The following MBP variants were observed in gnomAD, a reference collection of about 807,000 sequenced individuals.
MBP encodes Golli-MBP.
In MBP, 16 loss-of-function variants were observed where a neutral mutation model predicts 35.8. The observed-to-expected ratio is 0.45, with a 90% CI of 0.30 to 0.68. The LOEUF is 0.68. MBP is among the 30% of genes least tolerant of loss of function. The pLI, the probability that MBP is intolerant of heterozygous loss-of-function variation, is 0.08. For missense variants in MBP, 380 were observed against 404.7 expected (o/e 0.94, Z 0.52); for synonymous variants, 143 against 159.6 (o/e 0.90, Z 0.78).
rs1314493363 is a variant in MBP at position 77,061,643 on chromosome 18, TC to T, written c.139+4654del. Among the ~76,000 whole-genome samples the T allele has an allele frequency of 2.0e-5, 3 of 152,308 alleles. No individual in the cohort carries two copies. The East Asian group carries it at 5.8e-4, about 29-fold the overall frequency. On this transcript the variant is annotated intron_variant, in intron 3 of 8. Coordinates refer to ENST00000355994, the MANE Select transcript of MBP (RefSeq NM_001025101.2). The stretch of plus-strand genomic sequence containing the variant: ...GGCAGCTCAGAGTGAAACGGGCGGC[TC>T]CCTGCAGCCATTGTCACATGGTTGA...
chr18:77,025,996 G>A (rs1972206920), intron 3 of MBP, among the ~76,000 whole-genome samples: 1 of 152,158 alleles, frequency 6.6e-6, no homozygotes, highest in South Asian at 2.1e-4. Flanking sequence ...CGCTCATCCC[G>A]CTCGCTGTGC....
chr18:76,984,910 A>G lies in MBP; in HGVS notation c.751-16T>C, dbSNP rs1969449840. On this transcript the variant is annotated splice_polypyrimidine_tract_variant and intron_variant, in intron 7 of 8. Coordinates refer to ENST00000355994, the MANE Select transcript of MBP (RefSeq NM_001025101.2). ...CTTCGGCCCCCTGCAAGAGAAGACC[A>G]CGGAGCTCAACCTCCACCCGCGGTG... is the stretch of plus-strand genomic sequence containing the variant. 2 of 1,611,956 alleles carry G rather than the reference A, an allele frequency of 1.2e-6. No homozygotes were observed. The highest frequency in any genetic ancestry group is 1.3e-5 in the African/African-American group (1 of 74,898).
At chr18:77,056,764 T>C (rs1599154694) in intron 3 of MBP, among the ~76,000 whole-genome samples, 2 of 152,212 alleles carry the variant, frequency 1.3e-5, no homozygotes, top group Admixed American at 6.5e-5. Flanking sequence ...TTGACACCAC[T>C]GAGTCCTCCC....
At chr18:77,067,296 A>T (rs1161012307) in intron 2 of MBP, among the ~76,000 whole-genome samples, 1 of 152,112 alleles carries the variant, frequency 6.6e-6, no homozygotes, top group East Asian at 1.9e-4. Flanking sequence ...ACAATGACAC[A>T]TGGGTATTCT....
intron 2 of MBP, among the ~76,000 whole-genome samples, chr18:77,104,614 A>G (rs1976185225): frequency 6.6e-6 from 1 of 152,238 alleles, no homozygotes; most frequent in Admixed American, 6.5e-5. Context: ...TTTTTGAGCT[A>G]AAAGAAAGTC....
At chr18:77,052,371 A>T (rs1272809059) in intron 3 of MBP, among the ~76,000 whole-genome samples, 1 of 152,182 alleles carries the variant, frequency 6.6e-6, no homozygotes, top group Non-Finnish European at 1.5e-5. Context: ...GGCACCTGTG[A>T]GCAGGGACCC....
At chr18:77,000,632 G>A (rs577312302) in intron 4 of MBP, among the ~76,000 whole-genome samples, 5 of 152,344 alleles carry the variant, frequency 3.3e-5, no homozygotes, top group African/African-American at 9.6e-5. Context: ...ACCAGCAGGC[G>A]GAGCTCCTGC....
chr18:76,990,923 G>A (rs1441729300), intron 4 of MBP: 1 of 297,114 alleles, frequency 3.4e-6, no homozygotes, highest in Non-Finnish European at 6.9e-6. Flanking sequence ...TCCTGAAGGT[G>A]AACAAGCAAA....
chr18:77,013,766 G>T (rs549825712), intron 4 of MBP: 31 of 985,346 alleles, frequency 3.1e-5, no homozygotes, highest in Non-Finnish European at 3.7e-5. Flanking sequence ...GGGGTACTGG[G>T]ATGTCCTGGC....
intron 2 of MBP, chr18:77,068,963 A>C (rs1203361170): frequency 1.9e-5 from 9 of 467,894 alleles, no homozygotes; most frequent in Admixed American, 4.5e-5. Context: ...CACCTCGGGG[A>C]CTCTGACCTC....
chr18:77,016,678 A>G (rs748451805), intron 4 of MBP, 154 bp downstream of exon 4: 1 of 1,435,602 alleles, frequency 7.0e-7, no homozygotes, highest in East Asian at 2.5e-5. Context: ...TCAGGCCCAC[A>G]CTCTTGGGCT....
chr18:77,133,282 G>C (rs999480742), upstream of MBP, among the ~76,000 whole-genome samples: 1 of 152,240 alleles, frequency 6.6e-6, no homozygotes, highest in Non-Finnish European at 1.5e-5. Flanking sequence ...CTCCCCTGGA[G>C]CCCAGGCCAG....
chr18:77,093,092 C>G (rs1209618966), intron 2 of MBP: 1 of 66,268 alleles, frequency 1.5e-5, no homozygotes, highest in African/African-American at 3.6e-5. Flanking sequence ...AATGCCCATG[C>G]TGTGGGCAAA....
intron 3 of MBP, among the ~76,000 whole-genome samples, chr18:77,046,472 G>C (rs1275349172): frequency 6.6e-6 from 1 of 152,254 alleles, no homozygotes; most frequent in African/African-American, 2.4e-5. Flanking sequence ...GGGAGGGTGT[G>C]TTGGGCCTGG....
chr18:77,046,043 A>G (rs748676990), intron 3 of MBP, among the ~76,000 whole-genome samples: 1 of 152,242 alleles, frequency 6.6e-6, no homozygotes, highest in Non-Finnish European at 1.5e-5. Flanking sequence ...GTAATATTAT[A>G]TGAACTAGAA....
intron 4 of MBP, among the ~76,000 whole-genome samples, chr18:76,992,720 C>T (rs1247625000): frequency 2.0e-5 from 3 of 152,168 alleles, no homozygotes; most frequent in Admixed American, 2.0e-4. Flanking sequence ...GCCGCCCTTG[C>T]CTGCAGCAGG....
At position 77,060,434 on chromosome 18, in the gene MBP, T is replaced by TC. The variant is rs1360704427; in HGVS notation, c.139+5863_139+5864insG. Among the ~76,000 whole-genome samples the TC allele has an allele frequency of 3.5e-3, 501 of 143,702 alleles. 10 individuals are homozygous for TC. In the East Asian group the frequency reaches 0.04, roughly 11 times the overall value. The allele number at this position is 143,702 out of a possible 152,430, so 94.3% of individuals were successfully genotyped here. ...GCATCCTGTAATGGAGTATAACTGT[T>TC]TTCTCTCTCTCTCCTTTTTTTTTTT... is the stretch of plus-strand genomic sequence containing the variant. On this transcript the variant is annotated intron_variant, in intron 3 of 8. Coordinates refer to ENST00000355994, the MANE Select transcript of MBP (RefSeq NM_001025101.2).
At chr18:77,068,915 G>A in intron 2 of MBP, 1 of 456,814 alleles carries the variant, frequency 2.2e-6, no homozygotes, top group Non-Finnish European at 4.4e-6. Flanking sequence ...AGGACAAAGA[G>A]CAGCAGCCGC....
At chr18:77,009,554 A>T (rs769382625) in intron 4 of MBP, among the ~76,000 whole-genome samples, 7 of 152,128 alleles carry the variant, frequency 4.6e-5, no homozygotes, top group Non-Finnish European at 1.0e-4. Flanking sequence ...AGTGAGGCAG[A>T]CTCTCACCAA....
Sources: allele counts gnomAD v4.1 joint callset (sites outside exome capture counted in the v4.1 genomes callset), GRCh38; gene constraint gnomAD v4.1.1; transcripts MANE v1.5; gene names NCBI Gene and HGNC (gene_info 2026-07-23, HGNC 2026-07-21).